Variants in C16orf46 observed in about 807,000 individuals in gnomAD.
The protein encoded by C16orf46 is uncharacterized protein C16orf46.
A neutral mutation model predicts 5.5 loss-of-function variants in C16orf46; 7 were observed. That is an observed-to-expected ratio of 1.28 (90% CI 0.73 to 2.40). The LOEUF (loss-of-function observed/expected upper bound fraction) is 2.40, where lower values mean the gene tolerates loss of function less well. Ranked by LOEUF, C16orf46 falls within the 30% of genes most tolerant of loss-of-function variation. C16orf46 has a pLI of 0.00. For missense variants in C16orf46, 614 were observed against 476.0 expected (o/e 1.29, Z -2.70); for synonymous variants, 200 against 184.1 (o/e 1.09, Z -0.70).
chr16:81,063,312 T>A (rs1971549020), intron 3 of C16orf46, among the ~76,000 whole-genome samples: 1 of 151,066 alleles, frequency 6.6e-6, no homozygotes, highest in Non-Finnish European at 1.5e-5. Flanking sequence ...AAGCCTCAGT[T>A]CTCTCAGGGA....
At chr16:81,057,723 G>C (rs539609766), downstream of C16orf46, among the ~76,000 whole-genome samples, 2 of 152,040 alleles carry the variant, frequency 1.3e-5, no homozygotes, top group Admixed American at 1.3e-4. Flanking sequence ...CCAGGATCCA[G>C]AGCAAGACTG....
downstream of C16orf46, among the ~76,000 whole-genome samples, chr16:81,056,946 C>T (rs528938249): frequency 2.0e-5 from 3 of 152,180 alleles, no homozygotes; most frequent in East Asian, 1.9e-4. Context: ...ATTACTAATT[C>T]CCTAAACCAG....
chr16:81,063,588 C>A (rs191001313), intron 3 of C16orf46, among the ~76,000 whole-genome samples, 158 bp downstream of exon 3: 1 of 152,322 alleles, frequency 6.6e-6, no homozygotes, highest in Admixed American at 6.5e-5. Flanking sequence ...GTAGGTGCTG[C>A]TCTTATCATC....
intron 1 of C16orf46, among the ~76,000 whole-genome samples, chr16:81,067,725 G>C (rs924677374): frequency 3.3e-5 from 5 of 152,012 alleles, no homozygotes; most frequent in Non-Finnish European, 1.5e-5. Flanking sequence ...GCTAATTTTT[G>C]TATTTTTAGT....
intron 1 of C16orf46, among the ~76,000 whole-genome samples, chr16:81,072,966 G>T (rs1971907308): frequency 6.6e-6 from 1 of 152,142 alleles, no homozygotes. Flanking sequence ...GCCTCCCAAA[G>T]TGCCCGGCCA....
chr16:81,066,014 T>C (rs1446265262), intron 2 of C16orf46, among the ~76,000 whole-genome samples, 179 bp downstream of exon 2: 1 of 151,496 alleles, frequency 6.6e-6, no homozygotes, highest in Admixed American at 6.6e-5. Context: ...GCCTCCCGAG[T>C]AGCTGGGATT....
intron 3 of C16orf46, 57 bp from the exon 4 acceptor site, chr16:81,062,195 C>G: frequency 1.4e-6 from 2 of 1,437,302 alleles, no homozygotes; most frequent in Non-Finnish European, 1.8e-6. Flanking sequence ...TGTCCTTGCC[C>G]CAATTTTGGC....
At chr16:81,073,190 T>A (rs562699187) in intron 1 of C16orf46, among the ~76,000 whole-genome samples, 1 of 152,322 alleles carries the variant, frequency 6.6e-6, no homozygotes, top group Admixed American at 6.5e-5. Flanking sequence ...GGAACAGATG[T>A]CTGTAGTTAT....
chr16:81,063,685 G>C (rs2151750921), intron 3 of C16orf46, 61 bp downstream of exon 3: 1 of 1,415,536 alleles, frequency 7.1e-7, no homozygotes. Flanking sequence ...GGAAAAAGAG[G>C]CTTGCACCAA....
At chr16:81,070,592 T>C (rs1971815568) in intron 1 of C16orf46, among the ~76,000 whole-genome samples, 1 of 152,226 alleles carries the variant, frequency 6.6e-6, no homozygotes, top group African/African-American at 2.4e-5. Flanking sequence ...ATTAACCGTC[T>C]ATATGCAAAA....
chr16:81,061,943 C>T lies in C16orf46; in HGVS notation c.406G>A (p.Ala136Thr). 6 of 1,614,184 alleles carry T rather than the reference C, an allele frequency of 3.7e-6. No homozygotes were observed. The highest frequency in any genetic ancestry group is 5.1e-6 in the Non-Finnish European group (6 of 1,180,016). ...GAAGCAGTGCTGGGGCCCTGGGGGGCTGCCTGAGTCTGGGAGGGGCTGCTC... is the reference window on the plus strand; with the variant it reads ...GAAGCAGTGCTGGGGCCCTGGGGGGTTGCCTGAGTCTGGGAGGGGCTGCTC... ...DQSSPSQTQA[A>T]PQGPSTASRA... The change falls in exon 4 of 4, where the codon GCC becomes ACC. Residue 136 changes from alanine to threonine, a missense_variant. Coordinates refer to ENST00000299578, the MANE Select transcript of C16orf46 (RefSeq NM_152337.3).
chr16:81,063,406 G>A (rs1971550821), intron 3 of C16orf46, among the ~76,000 whole-genome samples: 1 of 152,104 alleles, frequency 6.6e-6, no homozygotes, highest in Non-Finnish European at 1.5e-5. Context: ...TTATTGGCTG[G>A]GTGATCTCGA....
At chr16:81,064,053 A>G (rs956872268) in intron 2 of C16orf46, 60 bp from the exon 3 acceptor site, 10 of 888,428 alleles carry the variant, frequency 1.1e-5, no homozygotes, top group East Asian at 7.9e-5. Context: ...AAAAAAAGCA[A>G]TGCAATACTC....
intron 1 of C16orf46, among the ~76,000 whole-genome samples, chr16:81,071,062 GACAT>G (rs2151757084): frequency 6.6e-6 from 1 of 152,228 alleles, no homozygotes; most frequent in African/African-American, 2.4e-5. Context: ...ATATGGTGTG[GACAT>G]ACTTGTTCCT....
chr16:81,067,823 A>G (rs756774910), intron 1 of C16orf46, among the ~76,000 whole-genome samples: 1 of 152,178 alleles, frequency 6.6e-6, no homozygotes, highest in Non-Finnish European at 1.5e-5. Context: ...AAAGAAATAA[A>G]TGTATCAATG....
At chr16:81,068,758 G>A (rs947625455) in intron 1 of C16orf46, among the ~76,000 whole-genome samples, 1 of 151,946 alleles carries the variant, frequency 6.6e-6, no homozygotes, top group African/African-American at 2.4e-5. Context: ...CTGGAGTGCA[G>A]TGCCATGATT....
At position 81,061,928 on chromosome 16, in the gene C16orf46, T is replaced by C. The variant is rs756490402; in HGVS notation, c.421A>G (p.Ser141Gly). 2.5e-6 allele frequency: 4 copies of C among 1,614,208 alleles called. No individual in the cohort carries two copies. In the East Asian group the frequency reaches 8.9e-5, roughly 36 times the overall value. ...SQTQAAPQGPSTASRAISDIC... is the reference protein window; with the variant it reads ...SQTQAAPQGPGTASRAISDIC... ...TCGCTAATTGCCCTGGAAGCAGTGC[T>C]GGGGCCCTGGGGGGCTGCCTGAGTC... Residue 141 changes from serine (S) to glycine (G), a missense_variant, in exon 4 of 4, where the codon AGC becomes GGC. Physicochemically the swap from Ser to Gly is moderately conservative, Grantham distance 56 (BLOSUM62 0). Coordinates refer to ENST00000299578, the MANE Select transcript of C16orf46 (RefSeq NM_152337.3).
In C16orf46 at chr16:81,061,259, G is replaced by A. The variant is rs758723933; in HGVS notation, c.1090C>T (p.Pro364Ser). The A allele has an allele frequency of 1.9e-6, 3 of 1,613,970 alleles. No individual in the cohort carries two copies. The highest frequency in any genetic ancestry group is 1.7e-5 in the Admixed American group (1 of 59,992). ...VLPKAKQENRPQMLETKVFPR... is the reference protein window; with the variant it reads ...VLPKAKQENRSQMLETKVFPR... Reference sequence around the variant, plus strand: ...AAAACTTTGGTCTCCAGCATTTGGGGCCTGTTTTCCTGCTTGGCCTTTGGG... The same window carrying A: ...AAAACTTTGGTCTCCAGCATTTGGGACCTGTTTTCCTGCTTGGCCTTTGGG... The change falls in exon 4 of 4, where the codon CCC (proline) becomes TCC (serine). Residue 364 changes from proline to serine, a missense_variant. By Grantham distance (74) the Pro-to-Ser change is moderately conservative. Transcript: ENST00000299578.
At position 81,062,059 on chromosome 16, in the gene C16orf46, C is replaced by G; in HGVS notation, c.290G>C (p.Gly97Ala). Reference sequence around the variant, plus strand: ...ACACACCAAGCAGTCGCTGCAGGCACCTTCCCCTACCCTCGCCTTTTTTGG... The same window carrying G: ...ACACACCAAGCAGTCGCTGCAGGCAGCTTCCCCTACCCTCGCCTTTTTTGG... Reference protein sequence around the residue: ...KIPKKARVGEGACSDCLVCVN... With the variant: ...KIPKKARVGEAACSDCLVCVN... Residue 97 changes from glycine (G) to alanine (A), a missense_variant, in exon 4 of 4, where the codon GGT becomes GCT. Gly to Ala is a moderately conservative substitution (Grantham distance 60). Coordinates refer to ENST00000299578, the MANE Select transcript of C16orf46 (RefSeq NM_152337.3). 1.2e-6 allele frequency: 2 copies of G among 1,612,684 alleles called. No homozygotes were observed. The highest frequency in any genetic ancestry group is 1.1e-5 in the South Asian group (1 of 91,074).
Sources: allele counts gnomAD v4.1 joint callset (sites outside exome capture counted in the v4.1 genomes callset), GRCh38; gene constraint gnomAD v4.1.1; transcripts MANE v1.5; gene names NCBI Gene and HGNC (gene_info 2026-07-23, HGNC 2026-07-21).